Variants in CACNA2D3 observed in about 807,000 individuals in gnomAD.
CACNA2D3 encodes voltage-dependent calcium channel subunit alpha-2/delta-3.
A neutral mutation model predicts 160.6 loss-of-function variants in CACNA2D3; 60 were observed. The ratio of observed to expected loss-of-function variants is 0.37; its 90% CI spans 0.30 to 0.46. The LOEUF is 0.46. CACNA2D3 is among the 20% of genes least tolerant of loss of function. The probability of loss-of-function intolerance (pLI) is 1.00; values close to 1 mark genes in which losing one functional copy is unlikely to be tolerated. For missense variants in CACNA2D3, 1,205 were observed against 1,365.0 expected, an observed-to-expected ratio of 0.88 and a Z score of 1.85; for synonymous variants, 558 against 492.9, an observed-to-expected ratio of 1.13 and a Z score of -1.75.
chr3:54,597,031 G>A (rs998931196), intron 9 of CACNA2D3, among the ~76,000 whole-genome samples: 1 of 152,050 alleles, frequency 6.6e-6, no homozygotes, highest in East Asian at 1.9e-4. Flanking sequence ...CACAGCATAG[G>A]GTCAGGCTCT....
At chr3:54,528,060 A>G (rs773206082) in intron 5 of CACNA2D3, among the ~76,000 whole-genome samples, 3 of 152,126 alleles carry the variant, frequency 2.0e-5, no homozygotes, top group Non-Finnish European at 4.4e-5. Context: ...GTTCTCAAGA[A>G]GCTTCTTAAA....
intron 5 of CACNA2D3, among the ~76,000 whole-genome samples, chr3:54,560,560 G>T (rs2106702566): frequency 6.6e-6 from 1 of 152,234 alleles, no homozygotes; most frequent in Non-Finnish European, 1.5e-5. Flanking sequence ...GGTTTCTTTT[G>T]CAGAAGCTCT....
intron 2 of CACNA2D3, among the ~76,000 whole-genome samples, chr3:54,319,200 A>ACT (rs1049670394): frequency 1.9e-5 from 2 of 105,006 alleles, no homozygotes; most frequent in African/African-American, 6.7e-5. Context: ...ACACACACAC[A>ACT]CCCTTCCTCG....
At chr3:54,555,073 G>A (rs757146032) in intron 5 of CACNA2D3, among the ~76,000 whole-genome samples, 4 of 151,824 alleles carry the variant, frequency 2.6e-5, no homozygotes, top group Non-Finnish European at 4.4e-5. Flanking sequence ...ATGGAGTTTC[G>A]CCATGTTGGC....
At chr3:54,170,442 A>T (rs1700541724) in intron 2 of CACNA2D3, among the ~76,000 whole-genome samples, 1 of 152,234 alleles carries the variant, frequency 6.6e-6, no homozygotes, top group African/African-American at 2.4e-5. Context: ...TGATAAACAT[A>T]TTCTTGATTC....
intron 27 of CACNA2D3, among the ~76,000 whole-genome samples, chr3:54,952,679 G>A (rs1701788747): frequency 6.6e-6 from 1 of 152,120 alleles, no homozygotes; most frequent in Non-Finnish European, 1.5e-5. Flanking sequence ...TGGTGTTCAT[G>A]GGTTCAAATT....
At chr3:54,641,421 T>C (rs974863606) in intron 10 of CACNA2D3, among the ~76,000 whole-genome samples, 6 of 152,172 alleles carry the variant, frequency 3.9e-5, no homozygotes, top group Non-Finnish European at 8.8e-5. Flanking sequence ...GGTTTTGTTA[T>C]GTAGATGAAG....
intron 11 of CACNA2D3, among the ~76,000 whole-genome samples, chr3:54,749,695 A>G (rs1285920670): frequency 2.6e-5 from 4 of 152,344 alleles, no homozygotes; most frequent in South Asian, 2.1e-4. Flanking sequence ...TGAACCCAGC[A>G]TCCTTTGATT....
Position 54,758,235 on chromosome 3 carries a change from C to A in CACNA2D3, c.1246+5558C>A, listed in dbSNP as rs1228156711. Among the ~76,000 whole-genome samples the A allele has an allele frequency of 2.6e-5, 4 of 152,172 alleles. No individual in the cohort carries two copies. The East Asian group carries it at 7.7e-4, about 29-fold the overall frequency. ...AGAGCTATAAGAAGGAGACAGCATTCCTATTTCCCCAGTGTGTACCTTTAG... is the reference window on the plus strand; with the variant it reads ...AGAGCTATAAGAAGGAGACAGCATTACTATTTCCCCAGTGTGTACCTTTAG... On this transcript the variant is annotated intron_variant, in intron 12 of 37. Transcript: ENST00000474759.
chr3:54,885,651 T>A, intron 23 of CACNA2D3, 65 bp downstream of exon 23: 1 of 1,255,384 alleles, frequency 8.0e-7, no homozygotes, highest in Non-Finnish European at 1.1e-6. Flanking sequence ...ACTCAAAACA[T>A]TTTTTGGCCT....
At chr3:54,312,878 G>C (rs1009580552) in intron 2 of CACNA2D3, among the ~76,000 whole-genome samples, 1 of 152,146 alleles carries the variant, frequency 6.6e-6, no homozygotes, top group Admixed American at 6.5e-5. Context: ...AGGCTGCCTT[G>C]CTGGGGCATC....
intron 11 of CACNA2D3, among the ~76,000 whole-genome samples, chr3:54,712,108 G>T: frequency 6.6e-6 from 1 of 152,200 alleles, no homozygotes; most frequent in South Asian, 2.1e-4. Flanking sequence ...TCAGGCAAGA[G>T]TATAAAGCTC....
At chr3:54,435,218 T>G (rs779213991) in intron 4 of CACNA2D3, among the ~76,000 whole-genome samples, 8 of 152,096 alleles carry the variant, frequency 5.3e-5, no homozygotes, top group Admixed American at 1.3e-4. Context: ...CCCCTGCCCT[T>G]TGGGGTCAGT....
intron 27 of CACNA2D3, among the ~76,000 whole-genome samples, chr3:54,921,161 G>T (rs1023305500): frequency 2.6e-5 from 4 of 152,104 alleles, no homozygotes; most frequent in Non-Finnish European, 2.9e-5. Context: ...AGCACTCATT[G>T]TTCTCTATCT....
chr3:54,141,597 C>A (rs536861452), intron 2 of CACNA2D3, among the ~76,000 whole-genome samples: 1 of 152,316 alleles, frequency 6.6e-6, no homozygotes, highest in African/African-American at 2.4e-5. Context: ...GAACTCAGCC[C>A]TTGAATAGTG....
chr3:54,377,412 T>C (rs1046521460), intron 3 of CACNA2D3, among the ~76,000 whole-genome samples: 3 of 152,230 alleles, frequency 2.0e-5, no homozygotes, highest in African/African-American at 7.2e-5. Flanking sequence ...AAGTTCTCCC[T>C]ATATGAGAGC....
At chr3:54,613,585 A>C (rs886194545) in intron 9 of CACNA2D3, among the ~76,000 whole-genome samples, 2 of 152,232 alleles carry the variant, frequency 1.3e-5, no homozygotes, top group East Asian at 1.9e-4. Flanking sequence ...AACCTACAGC[A>C]TGTCATTCCA....
At chr3:54,871,769 C>G in intron 18 of CACNA2D3, 147 bp downstream of exon 18, 1 of 620,464 alleles carries the variant, frequency 1.6e-6, no homozygotes, top group Non-Finnish European at 2.8e-6. Context: ...GCCTTTGTAC[C>G]ATGTGTGGAG....
Position 54,250,688 on chromosome 3 carries a change from C to G in CACNA2D3, c.205-69754C>G, listed in dbSNP as rs1383901077. Among the ~76,000 whole-genome samples, 3 of 152,142 alleles carry G rather than the reference C, an allele frequency of 2.0e-5. No individual in the cohort carries two copies. In the East Asian group the frequency reaches 5.8e-4, roughly 29 times the overall value. ...TGGGCTCAAGCAGTCTTCCCTCCGT[C>G]ATCGCCCAAAGTGCTTGGCTTACGT... On this transcript the variant is annotated intron_variant, in intron 2 of 37. Transcript: ENST00000474759.
Sources: allele counts gnomAD v4.1 joint callset (sites outside exome capture counted in the v4.1 genomes callset), GRCh38; gene constraint gnomAD v4.1.1; transcripts MANE v1.5; gene names NCBI Gene and HGNC (gene_info 2026-07-23, HGNC 2026-07-21).